ANKK1: variants seen among roughly 807,000 people sequenced by gnomAD.
ANKK1 encodes the protein ankyrin repeat and protein kinase domain-containing protein 1.
Under a neutral mutation model 37.6 loss-of-function variants are expected in ANKK1, and 37 were observed. That is an observed-to-expected ratio of 0.98 (90% confidence interval 0.76 to 1.29). The LOEUF (loss-of-function observed/expected upper bound fraction) is 1.29. ANKK1 is among the 50% of genes most tolerant of loss of function. ANKK1 has a pLI of 0.00. For missense variants in ANKK1, 1,019 were observed against 990.6 expected (o/e 1.03, Z -0.39); for synonymous variants, 415 against 418.7 (o/e 0.99, Z 0.11).
At position 113,395,059 on chromosome 11, in the gene ANKK1, G is replaced by A; in HGVS notation, c.611G>A (p.Gly204Glu). The change falls in exon 3 of 8, where the codon GGA becomes GAA. Residue 204 changes from glycine to glutamate, a missense_variant. Physicochemically the swap from Gly to Glu is moderately conservative, Grantham distance 98. Transcript: ENST00000303941. ...EMFLESNKAPGPKYDVYSFAI... is the reference protein window; with the variant it reads ...EMFLESNKAPEPKYDVYSFAI... ...TTCCTGGAGAGTAACAAGGCCCCAG[G>A]ACCTAAATATGATGTGTACAGGTGA... 6.2e-7 allele frequency: 1 copy of A among 1,611,846 alleles called. No homozygotes were observed. Among genetic ancestry groups the A allele is most frequent in the Admixed American group, 1.7e-5 (1 of 59,784 alleles).
intron 1 of ANKK1, among the ~76,000 whole-genome samples, chr11:113,388,943 T>C (rs549132402): frequency 6.6e-6 from 1 of 152,236 alleles, no homozygotes; most frequent in South Asian, 2.1e-4. Context: ...CGGGGGTCTC[T>C]CTGACTGGCA....
chr11:113,399,053 A>G lies in ANKK1; in HGVS notation c.1084A>G (p.Lys362Glu). Residue 362 changes from lysine (K) to glutamate (E), a missense_variant, in exon 8 of 8, where the codon AAG becomes GAG. By Grantham distance (56) the Lys-to-Glu change is moderately conservative (BLOSUM62 1). Transcript: ENST00000303941. ...RDEELCIYEN[K>E]VTPLHFLVAQ... ...TGAGGAACTGTGTATCTATGAGAAC[A>G]AGGTCACCCCCCTCCACTTCCTGGT... 1 of 1,603,838 alleles carries G rather than the reference A, an allele frequency of 6.2e-7. No individual in the cohort carries two copies. The highest frequency in any genetic ancestry group is 8.5e-7 in the Non-Finnish European group (1 of 1,175,202).
rs1274301574 is a variant in ANKK1, at chr11:113,397,223, GA to G, written c.839del (p.Asp280AlafsTer49). 4 of 1,606,156 alleles carry G rather than the reference GA, an allele frequency of 2.5e-6. No homozygotes were observed. In the African/African-American group the frequency reaches 5.3e-5, roughly 21 times the overall value. On this transcript the variant is annotated frameshift_variant and splice_region_variant, in exon 6 of 8. Coordinates refer to ENST00000303941, the MANE Select transcript of ANKK1 (RefSeq NM_178510.2). LOFTEE classifies it high-confidence loss of function. ...CTGTCTTTCTCCCACTCATGGAGCAGACATTACCATCGAGACAGACATACTG... is the reference window on the plus strand; with the variant it reads ...CTGTCTTTCTCCCACTCATGGAGCAGCATTACCATCGAGACAGACATACTG... ...QDPKKRPCFLDITIETDILLS... is the reference protein window; with the variant it reads ...QDPKKRPCFLXITIETDILLS...
At chr11:113,392,818 C>T (rs1188722951) in intron 1 of ANKK1, among the ~76,000 whole-genome samples, 1 of 152,148 alleles carries the variant, frequency 6.6e-6, no homozygotes, top group African/African-American at 2.4e-5. Context: ...TGTGCAGCCA[C>T]TAAAGATCAT....
chr11:113,396,139 A>G lies in ANKK1; in HGVS notation c.755A>G (p.Gln252Arg). ...CCCTCCCTACAGCCTGTCTCTGACC[A>G]ATGGCCAAGCGAGGCCCAGCAGATG... ...MRPSLQPVSD[Q>R]WPSEAQQMVD... Residue 252 changes from glutamine to arginine, a missense_variant, in exon 5 of 8, where the codon CAA (glutamine) becomes CGA (arginine). Coordinates refer to ENST00000303941, the MANE Select transcript of ANKK1 (RefSeq NM_178510.2). 1 of 1,613,996 alleles carries G rather than the reference A, an allele frequency of 6.2e-7. No homozygotes were observed. Among genetic ancestry groups the G allele is most frequent in the Non-Finnish European group, 8.5e-7 (1 of 1,179,880 alleles).
At chr11:113,388,802 A>G (rs1019859586) in intron 1 of ANKK1, among the ~76,000 whole-genome samples, 2 of 152,114 alleles carry the variant, frequency 1.3e-5, no homozygotes, top group East Asian at 3.9e-4. Flanking sequence ...TCTCATTCCC[A>G]CTGGAGTTGC....
chr11:113,400,201 A>G lies in ANKK1; in HGVS notation c.2232A>G (p.Leu744=), dbSNP rs1352177124. ...GAAAGCAGGGCATCATGTCCTTCCT[A>G]GAGGGCAAGGAGCCGTCAGTGGCCA... ...RSRKQGIMSF[L]EGKEPSVATL... The change falls in exon 8 of 8, where the codon CTA becomes CTG. Residue 744 remains leucine, a synonymous_variant. Coordinates refer to ENST00000303941, the MANE Select transcript of ANKK1 (RefSeq NM_178510.2). The G allele has an allele frequency of 1.3e-6, 2 of 1,558,430 alleles. No individual in the cohort carries two copies. Among genetic ancestry groups the G allele is most frequent in the Non-Finnish European group, 8.7e-7 (1 of 1,152,038 alleles).
At chr11:113,398,109 T>C in intron 7 of ANKK1, 93 bp downstream of exon 7, 1 of 1,424,688 alleles carries the variant, frequency 7.0e-7, no homozygotes, top group Non-Finnish European at 9.6e-7. Context: ...GGCCTCCCCC[T>C]CATCCCCAGG....
intron 1 of ANKK1, among the ~76,000 whole-genome samples, chr11:113,392,439 C>A (rs1003551738): frequency 6.6e-6 from 1 of 152,208 alleles, no homozygotes; most frequent in Non-Finnish European, 1.5e-5. Flanking sequence ...CCAGGAAGAG[C>A]ATGTGGTTTT....
intron 2 of ANKK1, among the ~76,000 whole-genome samples, chr11:113,394,281 C>A (rs1392240393): frequency 6.6e-6 from 1 of 152,158 alleles, no homozygotes; most frequent in Non-Finnish European, 1.5e-5. Flanking sequence ...CTTCACTGTA[C>A]CTCTGATTCT....
In ANKK1 at chr11:113,397,970, G is replaced by A. The variant is rs939041087; in HGVS notation, c.958-10G>A. On this transcript the variant is annotated splice_polypyrimidine_tract_variant and intron_variant, in intron 6 of 7. Transcript: ENST00000303941. Reference sequence around the variant, plus strand: ...GATCTCCACCCTGCCTGCTGGTTATGCCTCCCCAGGTTAATGAGGACATCA... The same window carrying A: ...GATCTCCACCCTGCCTGCTGGTTATACCTCCCCAGGTTAATGAGGACATCA... 14 of 1,558,198 alleles carry A rather than the reference G, an allele frequency of 9.0e-6. No homozygotes were observed. The African/African-American group carries it at 1.8e-4, about 20-fold the overall frequency.
At chr11:113,390,516 A>T (rs934788878) in intron 1 of ANKK1, among the ~76,000 whole-genome samples, 1 of 152,216 alleles carries the variant, frequency 6.6e-6, no homozygotes, top group African/African-American at 2.4e-5. Context: ...AGGCTGGTGG[A>T]TCACCTGAGG....
rs951603487 is a variant in ANKK1, at chr11:113,395,945, G to A, written c.683-122G>A. ...GAAAGTCTAGCTGTTTACTCACCAAGCATTTGTGGAGCCCCCACTGCGTGC... is the reference window on the plus strand; with the variant it reads ...GAAAGTCTAGCTGTTTACTCACCAAACATTTGTGGAGCCCCCACTGCGTGC... On this transcript the variant is annotated intron_variant, in intron 4 of 7. Transcript: ENST00000303941. 4.4e-6 allele frequency: 5 copies of A among 1,134,228 alleles called. No homozygotes were observed. In the African/African-American group the frequency reaches 7.8e-5, roughly 18 times the overall value. 70.3% of individuals were successfully genotyped at this position (1,134,228 alleles called of 1,614,324 possible).
chr11:113,399,379 G>T lies in ANKK1; in HGVS notation c.1410G>T (p.Gln470His), dbSNP rs772246720. The T allele has an allele frequency of 1.2e-6, 2 of 1,601,120 alleles. No individual in the cohort carries two copies. Among genetic ancestry groups the T allele is most frequent in the Admixed American group, 3.4e-5 (2 of 58,460 alleles). ...EGWTPLHLAA[Q>H]NNFENVARLL... ...GGACCCCTCTTCACCTGGCTGCACA[G>T]AATAACTTTGAGAATGTGGCACGGC... Residue 470 changes from glutamine (Q) to histidine (H), a missense_variant, in exon 8 of 8, where the codon CAG becomes CAT. Transcript: ENST00000303941.
rs150678579 is a variant in ANKK1, at chr11:113,394,986, G to A, written c.538G>A (p.Glu180Lys). 1.3e-5 allele frequency: 21 copies of A among 1,613,654 alleles called. No homozygotes were observed. Among genetic ancestry groups the A allele is most frequent in the Middle Eastern group, 1.6e-4 (1 of 6,062 alleles). ...MEQSTRMQYI[E>K]RSALRGMLSY... ...ACAGTCCACCCGGATGCAGTACATC[G>A]AGAGGTCGGCTCTGCGGGGCATGCT... The change falls in exon 3 of 8, where the codon GAG becomes AAG. Residue 180 changes from glutamate to lysine, a missense_variant. Physicochemically the swap from Glu to Lys is moderately conservative, Grantham distance 56. Transcript: ENST00000303941.
intron 2 of ANKK1, 80 bp downstream of exon 2, chr11:113,393,855 C>T (rs921353508): frequency 4.2e-5 from 61 of 1,459,526 alleles, no homozygotes; most frequent in Non-Finnish European, 4.8e-5. Context: ...CCTGCCTGAC[C>T]GGCCTGTCAA....
chr11:113,389,448 A>T (rs560430939), intron 1 of ANKK1, among the ~76,000 whole-genome samples: 1 of 152,180 alleles, frequency 6.6e-6, no homozygotes, highest in South Asian at 2.1e-4. Flanking sequence ...GCACTGTTCT[A>T]CACCCTGGGA....
In ANKK1 at chr11:113,395,966, C is replaced by A. The variant is rs950186448; in HGVS notation, c.683-101C>A. ...CCAAGCATTTGTGGAGCCCCCACTG[C>A]GTGCATGCCCTGTTGGGATCCTCAG... On this transcript the variant is annotated intron_variant, in intron 4 of 7. Transcript: ENST00000303941. 3 of 1,373,266 alleles carry A rather than the reference C, an allele frequency of 2.2e-6. No individual in the cohort carries two copies. In the African/African-American group the frequency reaches 4.3e-5, roughly 20 times the overall value. 85.1% of individuals were successfully genotyped at this position (1,373,266 alleles called of 1,614,324 possible). A position where few individuals can be genotyped will look rare whatever the true frequency, so the allele number is the denominator to read the frequency against.
chr11:113,394,951 A>G lies in ANKK1; in HGVS notation c.503A>G (p.Lys168Arg). The G allele has an allele frequency of 6.2e-7, 1 of 1,612,120 alleles. No individual in the cohort carries two copies. Among genetic ancestry groups the G allele is most frequent in the South Asian group, 1.1e-5 (1 of 90,762 alleles). The change falls in exon 3 of 8, where the codon AAG becomes AGG. Residue 168 changes from lysine (K) to arginine (R), a missense_variant. By Grantham distance (26) the Lys-to-Arg change is conservative. Coordinates refer to ENST00000303941, the MANE Select transcript of ANKK1 (RefSeq NM_178510.2). Reference sequence around the variant, plus strand: ...CAGATTTCAGACTTCGGCCTGTCCAAGTGGATGGAACAGTCCACCCGGATG... The same window carrying G: ...CAGATTTCAGACTTCGGCCTGTCCAGGTGGATGGAACAGTCCACCCGGATG... ...HVKISDFGLSKWMEQSTRMQY... is the reference protein window; with the variant it reads ...HVKISDFGLSRWMEQSTRMQY...
Sources: gnomAD v4.1 joint callset for allele counts (sites outside exome capture counted in the v4.1 genomes callset) on GRCh38, gnomAD v4.1.1 for gene constraint, MANE v1.5 for transcripts, NCBI Gene and HGNC (gene_info 2026-07-23, HGNC 2026-07-21) for gene names.